Variants in MYT1L observed in about 807,000 individuals in gnomAD.
MYT1L encodes myelin transcription factor 1-like protein.
Under a neutral mutation model 126.7 loss-of-function variants are expected in MYT1L, and 12 were observed. The observed-to-expected ratio is 0.09, with a 90% confidence interval of 0.06 to 0.15. The LOEUF (loss-of-function observed/expected upper bound fraction) is 0.15, where lower values mean the gene tolerates loss of function less well. Among genes scored for constraint, MYT1L ranks in the 10% least tolerant of loss-of-function variants. The pLI, the probability that MYT1L is intolerant of heterozygous loss-of-function variation, is 1.00. For synonymous variants in MYT1L, 541 were observed against 604.2 expected (o/e 0.90, Z 1.53); for missense variants, 979 against 1,585.2 (o/e 0.62, Z 6.49).
intron 3 of MYT1L, among the ~76,000 whole-genome samples, chr2:2,149,386 A>T (rs951428065): frequency 3.9e-5 from 6 of 152,238 alleles, no homozygotes; most frequent in African/African-American, 1.4e-4. Context: ...TGTGTTAGGC[A>T]CTGCATGGAG....
chr2:1,808,214 A>G (rs961164844), intron 22 of MYT1L, among the ~76,000 whole-genome samples: 1 of 152,174 alleles, frequency 6.6e-6, no homozygotes, highest in African/African-American at 2.4e-5. Context: ...GTGTGCTCCC[A>G]TTTAAAGACA....
chr2:2,070,559 C>T (rs959295656), intron 3 of MYT1L, among the ~76,000 whole-genome samples: 7 of 152,204 alleles, frequency 4.6e-5, no homozygotes, highest in Admixed American at 3.9e-4. Context: ...TGACCCAATT[C>T]GCTTTACCCT....
chr2:2,081,736 T>C (rs910102543), intron 3 of MYT1L, among the ~76,000 whole-genome samples: 4 of 152,000 alleles, frequency 2.6e-5, no homozygotes, highest in African/African-American at 9.7e-5. Context: ...TATTTATATT[T>C]ATTTATTTAT....
intron 19 of MYT1L, among the ~76,000 whole-genome samples, chr2:1,850,148 T>TCCTTCCCTTTCCCTTC (rs2043040672): frequency 7.2e-6 from 1 of 138,952 alleles, no homozygotes; most frequent in South Asian, 2.7e-4. Flanking sequence ...TCCTTCCCTT[T>TCCTTCCCTTTCCCTTC]CCTTCCCCTT....
At chr2:2,132,879 T>C (rs1483220496) in intron 3 of MYT1L, among the ~76,000 whole-genome samples, 7 of 152,158 alleles carry the variant, frequency 4.6e-5, no homozygotes, top group Non-Finnish European at 1.0e-4. Context: ...CGGTGGCCTG[T>C]TGGAAATTTA....
At chr2:2,316,723 A>G (rs978825922) in intron 1 of MYT1L, among the ~76,000 whole-genome samples, 4 of 152,266 alleles carry the variant, frequency 2.6e-5, no homozygotes, top group African/African-American at 9.6e-5. Context: ...TATAAAATCA[A>G]TAGAGAAAAT....
chr2:2,307,482 C>A (rs1437162619), intron 1 of MYT1L, among the ~76,000 whole-genome samples: 2 of 152,044 alleles, frequency 1.3e-5, no homozygotes, highest in African/African-American at 2.4e-5. Context: ...CAGGAAGTAG[C>A]CACTGATTGG....
At chr2:2,196,670 G>A (rs769942418) in intron 2 of MYT1L, among the ~76,000 whole-genome samples, 2 of 151,706 alleles carry the variant, frequency 1.3e-5, no homozygotes, top group Non-Finnish European at 2.9e-5. Flanking sequence ...TTTGTAAAAT[G>A]GTAAAACTAC....
chr2:1,919,699 C>A (rs2053314880), intron 10 of MYT1L, among the ~76,000 whole-genome samples: 1 of 152,126 alleles, frequency 6.6e-6, no homozygotes, highest in East Asian at 1.9e-4. Context: ...GAGATAGTAC[C>A]ACAATTTTAG....
At chr2:1,838,424 T>G (rs967238626) in intron 21 of MYT1L, among the ~76,000 whole-genome samples, 3 of 152,118 alleles carry the variant, frequency 2.0e-5, no homozygotes, top group African/African-American at 7.2e-5. Flanking sequence ...GAAAGTGGCA[T>G]ATAGGGCAGC....
rs1464273876 is a variant in MYT1L, at chr2:1,806,300, T to A, written c.3172+2776A>T. Among the ~76,000 whole-genome samples the A allele has an allele frequency of 6.6e-6, 1 of 152,188 alleles. No homozygotes were observed. Among genetic ancestry groups the A allele is most frequent in the African/African-American group, 2.4e-5 (1 of 41,448 alleles). On this transcript the variant is annotated intron_variant, in intron 22 of 24. Coordinates refer to ENST00000647738, the MANE Select transcript of MYT1L (RefSeq NM_001303052.2). The surrounding 1 kb of genome is among the most constrained non-coding windows in gnomAD (Gnocchi z 4.9). ...TCCCAGTGACCTGCAGCTCCTCTTT[T>A]TTACCCATGGACGTGCGTGCATTAG...
chr2:2,065,305 A>C (rs1298334405), intron 3 of MYT1L, among the ~76,000 whole-genome samples: 2 of 152,226 alleles, frequency 1.3e-5, no homozygotes, highest in African/African-American at 4.8e-5. Flanking sequence ...AAAAATTTTA[A>C]AATAATTATA....
intron 9 of MYT1L, among the ~76,000 whole-genome samples, chr2:1,931,700 A>G (rs1417089453): frequency 1.3e-5 from 2 of 152,176 alleles, no homozygotes; most frequent in Non-Finnish European, 2.9e-5. Context: ...TCTCATTACC[A>G]TAAATGTCTG....
chr2:2,098,973 T>C (rs868286622), intron 3 of MYT1L, among the ~76,000 whole-genome samples: 19 of 152,128 alleles, frequency 1.2e-4, no homozygotes, highest in Non-Finnish European at 2.5e-4. Context: ...GAAATAGGTT[T>C]TGGATCCACA....
At chr2:2,060,139 G>A (rs564194590) in intron 3 of MYT1L, among the ~76,000 whole-genome samples, 63 of 152,282 alleles carry the variant, frequency 4.1e-4, no homozygotes, top group African/African-American at 1.4e-3. Flanking sequence ...ATCAGATAGC[G>A]TGGCAGCAAG....
intron 8 of MYT1L, among the ~76,000 whole-genome samples, chr2:1,956,614 AT>A (rs1432714211): frequency 6.7e-5 from 10 of 148,892 alleles, no homozygotes; most frequent in African/African-American, 1.5e-4. Context: ...CTATCTATCT[AT>A]CTATCTACCT....
intron 2 of MYT1L, among the ~76,000 whole-genome samples, chr2:2,190,030 C>T (rs897524531): frequency 3.9e-5 from 6 of 152,196 alleles, no homozygotes; most frequent in African/African-American, 1.4e-4. Flanking sequence ...TGAGAGGAAG[C>T]CCAGGTAACA....
chr2:2,083,961 AGAGG>A (rs1226042660), intron 3 of MYT1L, among the ~76,000 whole-genome samples: 7 of 146,778 alleles, frequency 4.8e-5, no homozygotes, highest in Non-Finnish European at 1.0e-4. Context: ...TTCAGTTCTT[AGAGG>A]GAGGGAGACC....
chr2:1,963,380 G>A (rs528722562), intron 8 of MYT1L, among the ~76,000 whole-genome samples: 2 of 152,208 alleles, frequency 1.3e-5, no homozygotes, highest in South Asian at 4.1e-4. Flanking sequence ...AATTCTTAAG[G>A]GCCTTAGAAT....
Sources: allele counts gnomAD v4.1 joint callset (sites outside exome capture counted in the v4.1 genomes callset), GRCh38; gene constraint gnomAD v4.1.1; non-coding constraint Gnocchi (gnomAD v3.1); transcripts MANE v1.5; gene names NCBI Gene and HGNC (gene_info 2026-07-23, HGNC 2026-07-21).